PLXNA3: variants seen among roughly 807,000 people sequenced by gnomAD.
PLXNA3 encodes the protein plexin A3.
In PLXNA3, 52 loss-of-function variants were observed where a neutral mutation model predicts 118.8. That is an observed-to-expected ratio of 0.44 (90% CI 0.35 to 0.55). The LOEUF is 0.55. Among genes scored for constraint, PLXNA3 ranks in the 20% least tolerant of loss-of-function variants. The pLI is 0.01. For missense variants in PLXNA3, 1,660 were observed against 1,730.8 expected, an observed-to-expected ratio of 0.96 and a Z score of 0.73; for synonymous variants, 925 against 762.4, an observed-to-expected ratio of 1.21 and a Z score of -3.51.
chrX:154,472,377 C>T (rs967444444), intron 32 of PLXNA3, among the ~76,000 whole-genome samples: 1 of 109,269 alleles, frequency 9.2e-6, no homozygotes, highest in Non-Finnish European at 1.9e-5. Flanking sequence ...AGGGACAGGC[C>T]GCACCCTAGC....
Position 154,461,193 on chromosome X carries a change from T to C in PLXNA3, c.689T>C (p.Phe230Ser), listed in dbSNP as rs1557204071. 1 of 1,211,888 alleles carries C rather than the reference T, an allele frequency of 8.3e-7. No individual in the cohort carries two copies. Among genetic ancestry groups the C allele is most frequent in the Admixed American group, 2.2e-5 (1 of 46,185 alleles). The change falls in exon 3 of 33, where the codon TTC (phenylalanine) becomes TCC (serine). Residue 230 changes from phenylalanine to serine, a missense_variant. By Grantham distance (155) the Phe-to-Ser change is radical. Transcript: ENST00000369682. The part of the protein sequence containing the change: ...PAFDIYYIYG[F>S]VSASFVYFLT... ...TTTGACATCTACTACATCTACGGCT[T>C]CGTCAGCGCCTCCTTCGTGTACTTC... is the stretch of plus-strand genomic sequence containing the variant.
rs2148259599 is a variant in PLXNA3 at position 154,475,658 on chromosome X, G to C, written c.*2973G>C. ...GAGGCAGGACTGGATTGTAGCCCAG[G>C]ATAAAGAGAAGTTGCGGGATGACAG... is the stretch of plus-strand genomic sequence containing the variant. On this transcript the variant is annotated 3_prime_UTR_variant, in exon 33 of 33. Transcript: ENST00000369682. The C allele has an allele frequency of 8.9e-6, 1 of 112,604 alleles. No individual in the cohort carries two copies. The highest frequency in any genetic ancestry group is 3.6e-4 in the South Asian group (1 of 2,772). 9.3% of individuals were successfully genotyped at this position (112,604 alleles called of 1,213,427 possible). A position where few individuals can be genotyped will look rare whatever the true frequency, so the allele number is the denominator to read the frequency against.
rs1487095136 is a variant in PLXNA3, at chrX:154,476,790, G to A, written c.*4105G>A. On this transcript the variant is annotated 3_prime_UTR_variant, in exon 33 of 33. Transcript: ENST00000369682. The stretch of plus-strand genomic sequence containing the variant: ...AGGGACAGCGACGTGTGGGAGCTGG[G>A]AAACAAGGTAAGCCATGCGACTGGC... The A allele has an allele frequency of 8.9e-6, 1 of 112,309 alleles. No individual in the cohort carries two copies. Among genetic ancestry groups the A allele is most frequent in the Non-Finnish European group, 1.9e-5 (1 of 53,232 alleles). 9.3% of individuals were successfully genotyped at this position (112,309 alleles called of 1,213,427 possible). A position where few individuals can be genotyped will look rare whatever the true frequency, so the allele number is the denominator to read the frequency against.
chrX:154,472,723 G>T lies in PLXNA3; in HGVS notation c.*38G>T, dbSNP rs1557209911. On this transcript the variant is annotated 3_prime_UTR_variant, in exon 33 of 33. Coordinates refer to ENST00000369682, the MANE Select transcript of PLXNA3 (RefSeq NM_017514.5). ...GGTGAGGAGGGGGCTTCTCAGTCCTGTGCCGTCCTCCCATCCAGGGGAGTG... is the reference window on the plus strand; with the variant it reads ...GGTGAGGAGGGGGCTTCTCAGTCCTTTGCCGTCCTCCCATCCAGGGGAGTG... 4 of 1,008,077 alleles carry T rather than the reference G, an allele frequency of 4.0e-6. No homozygotes were observed. The highest frequency in any genetic ancestry group is 1.4e-6 in the Non-Finnish European group (1 of 712,110). The allele number at this position is 1,008,077 out of a possible 1,213,427, so 83.1% of individuals were successfully genotyped here. A position where few individuals can be genotyped will look rare whatever the true frequency, so the allele number is the denominator to read the frequency against.
At chrX:154,460,972 T>C in intron 2 of PLXNA3, 127 bp from the exon 3 acceptor site, 1 of 713,077 alleles carries the variant, frequency 1.4e-6, no homozygotes, top group Non-Finnish European at 2.1e-6. Flanking sequence ...CCCTGCCCTC[T>C]GCAGCCTTTC....
chrX:154,467,777 G>A lies in PLXNA3; in HGVS notation c.3596G>A (p.Gly1199Asp). The A allele has an allele frequency of 8.3e-7, 1 of 1,200,765 alleles. No homozygotes were observed. The highest frequency in any genetic ancestry group is 1.1e-6 in the Non-Finnish European group (1 of 892,647). Residue 1199 changes from glycine to aspartate, a missense_variant, in exon 21 of 33, where the codon GGT becomes GAT. Around this residue, in one of 2 missense-constraint regions of PLXNA3, gnomAD observed 869 missense variants for 1,078.7 expected, o/e 0.81. Transcript: ENST00000369682. ...TGRQPVMVLVGGLEFWLGTLH... is the reference protein window; with the variant it reads ...TGRQPVMVLVDGLEFWLGTLH... ...GGCCTGTCCCCACAGGTGCTGGTGG[G>A]TGGCCTGGAGTTCTGGCTGGGCACC...
At position 154,464,472 on chromosome X, in the gene PLXNA3, T is replaced by G; in HGVS notation, c.1899T>G (p.Phe633Leu). 8.3e-7 allele frequency: 1 copy of G among 1,210,320 alleles called. No individual in the cohort carries two copies. Among genetic ancestry groups the G allele is most frequent in the Non-Finnish European group, 1.1e-6 (1 of 894,197 alleles). ...ETGVRFAGADFVFYNCSVLQS... is the reference protein window; with the variant it reads ...ETGVRFAGADLVFYNCSVLQS... ...GCGTGAGGTTTGCCGGTGCTGACTTTGTCTTCTACAACTGCAGCGTCCTCC... is the reference window on the plus strand; with the variant it reads ...GCGTGAGGTTTGCCGGTGCTGACTTGGTCTTCTACAACTGCAGCGTCCTCC... The change falls in exon 9 of 33, where the codon TTT (phenylalanine) becomes TTG (leucine). Residue 633 changes from phenylalanine (F) to leucine (L), a missense_variant. Coordinates refer to ENST00000369682, the MANE Select transcript of PLXNA3 (RefSeq NM_017514.5).
In PLXNA3 at chrX:154,469,038, A is replaced by T. The variant is rs781812531; in HGVS notation, c.4435-18A>T. 8.3e-7 allele frequency: 1 copy of T among 1,209,383 alleles called. No individual in the cohort carries two copies. The highest frequency in any genetic ancestry group is 3.0e-5 in the East Asian group (1 of 33,767). On this transcript the variant is annotated intron_variant, in intron 25 of 32. Coordinates refer to ENST00000369682, the MANE Select transcript of PLXNA3 (RefSeq NM_017514.5). ...AGGCCTCGCCCCAGACTGACACTGG[A>T]GTCCGCTTTCCCCTCAGACCCTTCA...
chrX:154,460,409 C>G lies in PLXNA3; in HGVS notation c.226C>G (p.Arg76Gly). ...HVTGPVEDNA[R>G]CYPPPSMRVC... is the part of the protein sequence containing the mutation. Reference sequence around the variant, plus strand: ...CACGGGGCCCGTCGAGGACAACGCTCGCTGCTACCCGCCCCCCAGCATGCG... The same window carrying G: ...CACGGGGCCCGTCGAGGACAACGCTGGCTGCTACCCGCCCCCCAGCATGCG... The change falls in exon 2 of 33, where the codon CGC (arginine) becomes GGC (glycine). Residue 76 changes from arginine (R) to glycine (G), a missense_variant. Arg to Gly is a moderately radical substitution (Grantham distance 125). Transcript: ENST00000369682. 8.3e-7 allele frequency: 1 copy of G among 1,202,173 alleles called. No individual in the cohort carries two copies. Among genetic ancestry groups the G allele is most frequent in the South Asian group, 1.8e-5 (1 of 55,889 alleles).
chrX:154,464,562 C>T (rs1408388755), intron 9 of PLXNA3, 61 bp downstream of exon 9: 6 of 994,492 alleles, frequency 6.0e-6, no homozygotes, highest in African/African-American at 3.7e-5. Context: ...CTGGGACAGG[C>T]GACACCTTCA....
At position 154,475,577 on chromosome X, in the gene PLXNA3, C is replaced by T. The variant is rs2069231711; in HGVS notation, c.*2892C>T. Reference sequence around the variant, plus strand: ...AGGTGTTTACCAAAACTAGACAAGTCCACATAACAACCAACTGCACAAATA... The same window carrying T: ...AGGTGTTTACCAAAACTAGACAAGTTCACATAACAACCAACTGCACAAATA... On this transcript the variant is annotated 3_prime_UTR_variant, in exon 33 of 33. Transcript: ENST00000369682. 1 of 111,788 alleles carries T rather than the reference C, an allele frequency of 8.9e-6. No individual in the cohort carries two copies. Among genetic ancestry groups the T allele is most frequent in the African/African-American group, 3.3e-5 (1 of 30,731 alleles). The allele number at this position is 111,788 out of a possible 1,213,427, so 9.2% of individuals were successfully genotyped here. A position where few individuals can be genotyped will look rare whatever the true frequency, so the allele number is the denominator to read the frequency against.
In PLXNA3 at chrX:154,466,712, A is replaced by C. The variant is rs376854661; in HGVS notation, c.3026A>C (p.Asn1009Thr). The change falls in exon 17 of 33, where the codon AAC (asparagine) becomes ACC (threonine). Residue 1009 changes from asparagine to threonine, a missense_variant. By Grantham distance (65) the Asn-to-Thr change is moderately conservative. Coordinates refer to ENST00000369682, the MANE Select transcript of PLXNA3 (RefSeq NM_017514.5). Reference sequence around the variant, plus strand: ...ATCACACTTGCCATTGACCGGGCTAACATCTCCAGCCCCGGGCTCATCTAC... The same window carrying C: ...ATCACACTTGCCATTGACCGGGCTACCATCTCCAGCCCCGGGCTCATCTAC... Reference protein sequence around the residue: ...APITLAIDRANISSPGLIYTY... With the variant: ...APITLAIDRATISSPGLIYTY... 1.1e-4 allele frequency: 133 copies of C among 1,196,485 alleles called. No individual in the cohort carries two copies. The highest frequency in any genetic ancestry group is 1.5e-4 in the Non-Finnish European group (130 of 888,122).
At chrX:154,468,600 C>T in intron 23 of PLXNA3, 41 bp downstream of exon 23, 1 of 1,208,570 alleles carries the variant, frequency 8.3e-7, no homozygotes, top group Non-Finnish European at 1.1e-6. Flanking sequence ...TTTGTCCTGC[C>T]TGGGCCTGCC....
intron 1 of PLXNA3, among the ~76,000 whole-genome samples, chrX:154,459,387 G>C (rs2068897748): frequency 8.9e-6 from 1 of 111,769 alleles, no homozygotes; most frequent in Non-Finnish European, 1.9e-5. Context: ...ACTGTATTTG[G>C]GGACATTGCT....
At chrX:154,458,755 G>GA (rs2068884002) in intron 1 of PLXNA3, among the ~76,000 whole-genome samples, 1 of 112,367 alleles carries the variant, frequency 8.9e-6, no homozygotes, top group Non-Finnish European at 1.9e-5. Context: ...GGGGGGTGTG[G>GA]GGGGCGGCCG....
chrX:154,467,710 C>T (rs1557207793), intron 20 of PLXNA3, 22 bp downstream of exon 20: 2 of 1,203,024 alleles, frequency 1.7e-6, no homozygotes, highest in Admixed American at 2.2e-5. Flanking sequence ...TGGGGAGACC[C>T]CCTGGGCAGC....
chrX:154,462,402 G>C (rs931820063), intron 4 of PLXNA3, 92 bp downstream of exon 4: 39 of 651,889 alleles, frequency 6.0e-5, no homozygotes, highest in Non-Finnish European at 1.1e-5. Context: ...TCTGAGGACA[G>C]GACAGGAGAG....
At chrX:154,469,302 AC>A (rs1461768480) in intron 26 of PLXNA3, 76 bp from the exon 27 acceptor site, 18 of 1,155,102 alleles carry the variant, frequency 1.6e-5, no homozygotes, top group Admixed American at 2.2e-5. Flanking sequence ...CCCCACCTGA[AC>A]CCTGTTTCCA....
chrX:154,464,016 AGT>A lies in PLXNA3; in HGVS notation c.1618_1619del (p.Val540ProfsTer51). On this transcript the variant is annotated frameshift_variant, in exon 7 of 33. Transcript: ENST00000369682. LOFTEE classifies it high-confidence loss of function. ...CACGGCTTTGCTGAGGAGCTGAGCA[AGT>A]GTGTCCAGGTGCGGGTCCGGCCCAA... 1 of 1,207,880 alleles carries A rather than the reference AGT, an allele frequency of 8.3e-7. No individual in the cohort carries two copies.
Sources: gnomAD v4.1 joint callset for allele counts (sites outside exome capture counted in the v4.1 genomes callset) on GRCh38, gnomAD v4.1.1 for gene constraint, gnomAD v4.1.1 regional missense constraint, MANE v1.5 for transcripts, NCBI Gene and HGNC (gene_info 2026-07-23, HGNC 2026-07-21) for gene names.